Variants in TRRAP observed in about 807,000 individuals in gnomAD.
The protein encoded by TRRAP is transformation/transcription domain associated protein.
Under a neutral mutation model 438.8 loss-of-function variants are expected in TRRAP, and 41 were observed. The observed-to-expected ratio is 0.09, with a 90% CI of 0.07 to 0.12. TRRAP has a LOEUF of 0.12. Among genes scored for constraint, TRRAP ranks in the 10% least tolerant of loss-of-function variants. TRRAP has a pLI of 1.00. For synonymous variants in TRRAP, 1,994 were observed against 1,962.9 expected, an observed-to-expected ratio of 1.02 and a Z score of -0.42; for missense variants, 3,122 against 5,055.1, an observed-to-expected ratio of 0.62 and a Z score of 11.60.
At position 99,005,710 on chromosome 7, in the gene TRRAP, A is replaced by C. The variant is rs1794132646; in HGVS notation, c.10753+362A>C. ...TTTTTTTTTTCTTTTTTAGCTCATC[A>C]CCTGTCGTGTCAGTGTATTTTATGT... On this transcript the variant is annotated intron_variant, in intron 69 of 72. Transcript: ENST00000456197. This position sits in a 1 kb window ranked among gnomAD's most constrained non-coding sequence, Gnocchi z 5.1. Among the ~76,000 whole-genome samples, 3 of 151,424 alleles carry C rather than the reference A, an allele frequency of 2.0e-5. No homozygotes were observed. The highest frequency in any genetic ancestry group is 2.0e-4 in the Admixed American group (3 of 15,218).
intron 44 of TRRAP, 139 bp downstream of exon 44, chr7:98,958,230 G>A (rs782163237): frequency 1.7e-4 from 111 of 664,604 alleles, no homozygotes; most frequent in Non-Finnish European, 2.4e-4. Flanking sequence ...TGTCATTTTC[G>A]TATCAACTGC....
chr7:98,916,898 G>A (rs376245498), intron 19 of TRRAP, among the ~76,000 whole-genome samples: 17 of 151,946 alleles, frequency 1.1e-4, no homozygotes, highest in East Asian at 1.9e-4. Context: ...TTCCTGTGCC[G>A]TGCAGGACGT....
In TRRAP at chr7:99,012,025, C is replaced by G; in HGVS notation, c.11338-46C>G. On this transcript the variant is annotated intron_variant, in intron 72 of 72. Coordinates refer to ENST00000456197, the MANE Select transcript of TRRAP (RefSeq NM_001375524.1). This position sits in a 1 kb window ranked among gnomAD's most constrained non-coding sequence, Gnocchi z 5.9. ...CTTGTTAGGAAGCTGCCCCTGTGGG[C>G]TGTTCTTGGTTAAACACAAGTCGTC... The G allele has an allele frequency of 6.3e-7, 1 of 1,592,068 alleles. No individual in the cohort carries two copies. Among genetic ancestry groups the G allele is most frequent in the African/African-American group, 1.3e-5 (1 of 74,726 alleles).
chr7:98,976,382 G>C lies in TRRAP; in HGVS notation c.7960-101G>C. The C allele has an allele frequency of 6.4e-7, 1 of 1,571,212 alleles. No individual in the cohort carries two copies. Among genetic ancestry groups the C allele is most frequent in the Non-Finnish European group, 8.6e-7 (1 of 1,161,268 alleles). ...TCAGAAAATGAGGGAACCGCTGGCT[G>C]TCACTCGAGCGAATTAGGAAAGGTA... On this transcript the variant is annotated intron_variant, in intron 54 of 72. Transcript: ENST00000456197. This position sits in a 1 kb window ranked among gnomAD's most constrained non-coding sequence, Gnocchi z 4.6.
At chr7:98,954,382 G>A (rs1365209286) in intron 40 of TRRAP, among the ~76,000 whole-genome samples, 5 of 152,230 alleles carry the variant, frequency 3.3e-5, no homozygotes, top group African/African-American at 9.6e-5. Flanking sequence ...CTGTGAGACC[G>A]TCTTTGACAG....
chr7:98,975,517 G>T (rs1166147344), intron 53 of TRRAP, among the ~76,000 whole-genome samples: 2 of 152,224 alleles, frequency 1.3e-5, no homozygotes, highest in African/African-American at 4.8e-5. Flanking sequence ...CAAGAGGGCT[G>T]GGATGAGATA....
intron 8 of TRRAP, 133 bp from the exon 9 acceptor site, chr7:98,899,289 C>T: frequency 1.4e-6 from 1 of 727,252 alleles, no homozygotes; most frequent in Non-Finnish European, 2.4e-6. Context: ...GATCTTTCAT[C>T]ACAAATATTT....
chr7:99,012,277 G>A lies in TRRAP; in HGVS notation c.11544G>A (p.Lys3848=), dbSNP rs1285921551. ...NLAQFEGGES[K]VNTLVAAANS... ...CCCAGTTCGAAGGCGGGGAAAGCAA[G>A]GTGAACACCCTGGTGGCCGCGGCAA... Residue 3848 remains lysine (K), a synonymous_variant, in exon 73 of 73, where the codon AAG becomes AAA. Transcript: ENST00000456197. This position sits in a 1 kb window ranked among gnomAD's most constrained non-coding sequence, Gnocchi z 5.9. The A allele has an allele frequency of 3.7e-6, 6 of 1,613,754 alleles. No individual in the cohort carries two copies. The highest frequency in any genetic ancestry group is 5.1e-6 in the Non-Finnish European group (6 of 1,179,910).
At chr7:98,891,399 C>A (rs1180276902) in intron 4 of TRRAP, among the ~76,000 whole-genome samples, 2 of 150,882 alleles carry the variant, frequency 1.3e-5, no homozygotes, top group Non-Finnish European at 3.0e-5. Flanking sequence ...TTAATAGAGA[C>A]CATGTTGGCC....
intron 26 of TRRAP, 130 bp downstream of exon 26, chr7:98,931,795 C>T: frequency 7.8e-7 from 1 of 1,280,118 alleles, no homozygotes; most frequent in Non-Finnish European, 1.1e-6. Flanking sequence ...GGTTCCAGGA[C>T]CCTGCGTGGG....
At chr7:98,880,773 G>C (rs1266725501) in intron 1 of TRRAP, among the ~76,000 whole-genome samples, 3 of 152,160 alleles carry the variant, frequency 2.0e-5, no homozygotes, top group African/African-American at 7.2e-5. Flanking sequence ...CTGAGTAGTT[G>C]TGACAGACTG....
chr7:98,925,054 C>A, intron 21 of TRRAP, 58 bp from the exon 22 acceptor site: 1 of 1,547,954 alleles, frequency 6.5e-7, no homozygotes, highest in Non-Finnish European at 8.7e-7. Context: ...TCAGTGAAAG[C>A]TTTTCACAAT....
In TRRAP at chr7:98,915,803, A is replaced by G. The variant is rs781817583; in HGVS notation, c.2280A>G (p.Leu760=). 22 of 1,614,080 alleles carry G rather than the reference A, an allele frequency of 1.4e-5. No homozygotes were observed. The South Asian group carries it at 1.4e-4, about 10-fold the overall frequency. Residue 760 remains leucine (L), a synonymous_variant, in exon 19 of 73, where the codon CTA becomes CTG. Coordinates refer to ENST00000456197, the MANE Select transcript of TRRAP (RefSeq NM_001375524.1). ...AKEPYNYFLL[L]RALFRSIGGG... Reference sequence around the variant, plus strand: ...AACCCTACAACTACTTCTTGCTGCTACGGGCGCTGTTTCGCTCTATTGGTG... The same window carrying G: ...AACCCTACAACTACTTCTTGCTGCTGCGGGCGCTGTTTCGCTCTATTGGTG...
rs765051004 is a variant in TRRAP, at chr7:99,005,070, T to G, written c.10536-61T>G. On this transcript the variant is annotated intron_variant, in intron 68 of 72. Coordinates refer to ENST00000456197, the MANE Select transcript of TRRAP (RefSeq NM_001375524.1). This position sits in a 1 kb window ranked among gnomAD's most constrained non-coding sequence, Gnocchi z 5.1. ...CAGTTCGGACATTCCTAGCTTCTTC[T>G]CAAGACAAGGACTGGTAGCAGAGAT... is the stretch of plus-strand genomic sequence containing the variant. 1.7e-4 allele frequency: 257 copies of G among 1,553,958 alleles called. No homozygotes were observed. The highest frequency in any genetic ancestry group is 2.2e-4 in the Non-Finnish European group (246 of 1,131,104).
chr7:98,953,553 A>C, intron 40 of TRRAP, 120 bp downstream of exon 40: 2 of 1,396,862 alleles, frequency 1.4e-6, no homozygotes, highest in African/African-American at 1.4e-5. Context: ...AAAAACCATG[A>C]AAACACAGAC....
intron 52 of TRRAP, among the ~76,000 whole-genome samples, chr7:98,971,120 A>G (rs1352927265): frequency 6.6e-6 from 1 of 152,160 alleles, no homozygotes. Context: ...TTCCATGTGC[A>G]GGATGTCTAC....
Position 98,899,415 on chromosome 7 carries a change from CT to C in TRRAP, c.634-5del. 1 of 1,614,086 alleles carries C rather than the reference CT, an allele frequency of 6.2e-7. No individual in the cohort carries two copies. Among genetic ancestry groups the C allele is most frequent in the Non-Finnish European group, 8.5e-7 (1 of 1,179,980 alleles). On this transcript the variant is annotated splice_region_variant and splice_polypyrimidine_tract_variant and intron_variant, in intron 8 of 72. Coordinates refer to ENST00000456197, the MANE Select transcript of TRRAP (RefSeq NM_001375524.1). The stretch of plus-strand genomic sequence containing the variant: ...TAACCCGGGTCCTACCCATTTCTGT[CT>C]TCCAGCATTCCATCATTCCGAGGGG...
intron 58 of TRRAP, among the ~76,000 whole-genome samples, chr7:98,980,418 A>T (rs539831299): frequency 1.4e-4 from 22 of 152,244 alleles, no homozygotes; most frequent in Admixed American, 1.0e-3. Flanking sequence ...CATGAAAAAA[A>T]TTTTTTAAAT....
intron 18 of TRRAP, among the ~76,000 whole-genome samples, chr7:98,914,189 G>A (rs1181774316): frequency 6.6e-6 from 1 of 152,036 alleles, no homozygotes; most frequent in Admixed American, 6.6e-5. Flanking sequence ...GAGCCCAAGA[G>A]TTCAAGACCA....
Sources: gnomAD v4.1 joint callset for allele counts (sites outside exome capture counted in the v4.1 genomes callset) on GRCh38, gnomAD v4.1.1 for gene constraint, Gnocchi (gnomAD v3.1) non-coding constraint, MANE v1.5 for transcripts, NCBI Gene and HGNC (gene_info 2026-07-23, HGNC 2026-07-21) for gene names.